The following ZNF678 variants were observed in gnomAD, a reference collection of about 807,000 sequenced individuals.
ZNF678 encodes the protein zinc finger protein 678.
Under a neutral mutation model 3.0 loss-of-function variants are expected in ZNF678, and 5 were observed. That is an observed-to-expected ratio of 1.69 (90% CI 0.88 to 3.56). The LOEUF (loss-of-function observed/expected upper bound fraction) is 3.56, where lower values mean the gene tolerates loss of function less well. Ranked by LOEUF, ZNF678 falls within the 30% of genes most tolerant of loss-of-function variation. ZNF678 has a pLI of 0.00. For missense variants in ZNF678, 593 were observed against 605.0 expected, an observed-to-expected ratio of 0.98 and a Z score of 0.21; for synonymous variants, 218 against 199.6, an observed-to-expected ratio of 1.09 and a Z score of -0.78.
intron 1 of ZNF678, among the ~76,000 whole-genome samples, chr1:227,618,625 TAAG>T (rs1381410578): frequency 3.3e-5 from 5 of 152,074 alleles, no homozygotes; most frequent in East Asian, 1.9e-4. Context: ...CTAATTGTCT[TAAG>T]AAGCAAAAAT....
intron 1 of ZNF678, among the ~76,000 whole-genome samples, chr1:227,607,758 T>G (rs1356008850): frequency 1.4e-5 from 2 of 145,648 alleles, no homozygotes; most frequent in Non-Finnish European, 3.0e-5. Context: ...AATATACATT[T>G]ATTATATATT....
chr1:227,643,848 C>A (rs1329271027), intron 1 of ZNF678, among the ~76,000 whole-genome samples: 3 of 138,850 alleles, frequency 2.2e-5, no homozygotes, highest in East Asian at 2.2e-4. Flanking sequence ...TATATATTTT[C>A]TTTTCTTTTC....
chr1:227,618,723 T>C (rs140649646), intron 1 of ZNF678, among the ~76,000 whole-genome samples: 97 of 152,124 alleles, frequency 6.4e-4, no homozygotes, highest in Non-Finnish European at 1.2e-3. Flanking sequence ...TTTGTTTTTG[T>C]TGTTTTTGTT....
rs531771778 is a variant in ZNF678 at position 227,575,205 on chromosome 1, G to C, written c.-164+11481G>C. 2.0e-5 allele frequency among the ~76,000 whole-genome samples: 3 copies of C among 152,166 alleles called. No individual in the cohort carries two copies. The East Asian group carries it at 5.8e-4, about 29-fold the overall frequency. On this transcript the variant is annotated intron_variant, in intron 1 of 3. Transcript: ENST00000343776. ...GCCTCCAGCTTTGTTCTTTTTGCAA[G>C]GGATTGCCTTGGCTATTCAGGCTAT...
At chr1:227,670,629 C>G (rs1659583323) in intron 5 of ZNF678, among the ~76,000 whole-genome samples, 1 of 152,198 alleles carries the variant, frequency 6.6e-6, no homozygotes, top group African/African-American at 2.4e-5. Flanking sequence ...GTAGCTTCCC[C>G]TGGTCAGGAA....
intron 1 of ZNF678, among the ~76,000 whole-genome samples, chr1:227,565,536 T>A (rs868750743): frequency 2.8e-5 from 3 of 105,822 alleles, no homozygotes; most frequent in Admixed American, 9.6e-5. Context: ...CTTTTTATTT[T>A]ATTTTTTTGT....
At chr1:227,569,156 A>AT (rs1331626091) in intron 1 of ZNF678, among the ~76,000 whole-genome samples, 1 of 152,162 alleles carries the variant, frequency 6.6e-6, no homozygotes, top group African/African-American at 2.4e-5. Flanking sequence ...TGCCTGGCTA[A>AT]TTTGTAAAGT....
chr1:227,663,695 A>G (rs553742608), downstream of ZNF678, among the ~76,000 whole-genome samples: 11 of 152,350 alleles, frequency 7.2e-5, no homozygotes, highest in South Asian at 1.0e-3. Context: ...TGATATTTCT[A>G]TAAGTATGTG....
intron 1 of ZNF678, among the ~76,000 whole-genome samples, chr1:227,576,641 T>G (rs1309087474): frequency 6.6e-6 from 1 of 152,182 alleles, no homozygotes; most frequent in Non-Finnish European, 1.5e-5. Context: ...CTTTTTTACT[T>G]TATTAGGCTA....
At chr1:227,595,411 A>C (rs1388226723) in intron 1 of ZNF678, among the ~76,000 whole-genome samples, 1 of 152,076 alleles carries the variant, frequency 6.6e-6, no homozygotes, top group Non-Finnish European at 1.5e-5. Context: ...CTTGTGCCAT[A>C]CCTTTGAAAC....
intron 1 of ZNF678, among the ~76,000 whole-genome samples, chr1:227,608,809 G>A (rs1246412713): frequency 6.6e-6 from 1 of 152,130 alleles, no homozygotes; most frequent in Admixed American, 6.5e-5. Context: ...ATCTAGAGAA[G>A]GATCTAGAAA....
chr1:227,647,382 C>T (rs1461794064), intron 2 of ZNF678, among the ~76,000 whole-genome samples: 5 of 152,146 alleles, frequency 3.3e-5, no homozygotes, highest in Admixed American at 2.6e-4. Flanking sequence ...TCCTACTGAG[C>T]ACCATACCAG....
intron 1 of ZNF678, among the ~76,000 whole-genome samples, chr1:227,639,409 C>T (rs1020453117): frequency 2.6e-5 from 4 of 152,188 alleles, no homozygotes; most frequent in East Asian, 3.9e-4. Flanking sequence ...AAAGTCTCAC[C>T]GTGGGGTTTG....
chr1:227,667,209 A>G (rs1190769931), downstream of ZNF678, among the ~76,000 whole-genome samples: 1 of 151,748 alleles, frequency 6.6e-6, no homozygotes, highest in East Asian at 1.9e-4. Context: ...ACACCCAGCT[A>G]ATTTTTTGTA....
intron 1 of ZNF678, among the ~76,000 whole-genome samples, chr1:227,567,669 A>G (rs1271871532): frequency 1.3e-5 from 2 of 152,110 alleles, no homozygotes; most frequent in African/African-American, 2.4e-5. Flanking sequence ...ATATTTACAT[A>G]AAAAGTTACT....
chr1:227,633,683 A>C (rs1658607144), intron 1 of ZNF678, among the ~76,000 whole-genome samples: 1 of 152,214 alleles, frequency 6.6e-6, no homozygotes, highest in African/African-American at 2.4e-5. Context: ...AACAAGCCCT[A>C]GCCAGAAGGG....
intron 2 of ZNF678, among the ~76,000 whole-genome samples, chr1:227,649,738 G>A (rs1028642302): frequency 6.6e-6 from 1 of 152,164 alleles, no homozygotes; most frequent in Admixed American, 6.5e-5. Flanking sequence ...TTTCATCATG[G>A]TTTTGATTTG....
chr1:227,570,991 TTTTTA>T (rs1201073301), intron 1 of ZNF678, among the ~76,000 whole-genome samples: 17 of 152,176 alleles, frequency 1.1e-4, no homozygotes, highest in Admixed American at 7.9e-4. Context: ...TATGCCCAAA[TTTTTA>T]TTTTATCAGT....
intron 1 of ZNF678, among the ~76,000 whole-genome samples, chr1:227,608,259 G>A (rs932155570): frequency 2.6e-5 from 4 of 151,946 alleles, no homozygotes; most frequent in African/African-American, 7.2e-5. Flanking sequence ...TTTGGGTTAA[G>A]TAGAAAATTC....
Sources: gnomAD v4.1 joint callset for allele counts (sites outside exome capture counted in the v4.1 genomes callset) on GRCh38, gnomAD v4.1.1 for gene constraint, MANE v1.5 for transcripts, NCBI Gene and HGNC (gene_info 2026-07-23, HGNC 2026-07-21) for gene names.